The following STRN4 variants were observed in gnomAD, a reference collection of about 807,000 sequenced individuals.
STRN4 encodes striatin-4.
STRN4 carries 27 observed loss-of-function variants against 77.9 expected under a neutral mutation model. The ratio of observed to expected loss-of-function variants is 0.35; its 90% CI spans 0.26 to 0.48. STRN4 has a LOEUF of 0.48. Among genes scored for constraint, STRN4 ranks in the 20% least tolerant of loss-of-function variants. The pLI is 0.99. For missense variants in STRN4, 798 were observed against 1,049.7 expected, an observed-to-expected ratio of 0.76 and a Z score of 3.31; for synonymous variants, 466 against 443.1, an observed-to-expected ratio of 1.05 and a Z score of -0.65.
intron 4 of STRN4, among the ~76,000 whole-genome samples, chr19:46,734,919 C>G (rs1288396862): frequency 1.3e-5 from 2 of 152,172 alleles, no homozygotes; most frequent in East Asian, 3.9e-4. Flanking sequence ...CCGCCTCGGC[C>G]TCCCAAAGTG....
In STRN4 at chr19:46,725,827, C is replaced by T; in HGVS notation, c.1249-179G>A. 3.9e-6 allele frequency: 3 copies of T among 775,806 alleles called. No homozygotes were observed. In the East Asian group the frequency reaches 8.1e-5, roughly 21 times the overall value. The allele number at this position is 775,806 out of a possible 1,614,324, so 48.1% of individuals were successfully genotyped here. The stretch of plus-strand genomic sequence containing the variant: ...TCCTCTGCTGGGCAGAGTCTCCATG[C>T]TCGCCCAACAAGTCCCCACACTGCG... On this transcript the variant is annotated intron_variant, in intron 9 of 17. Transcript: ENST00000263280.
In STRN4 at chr19:46,734,218, T is replaced by G. The variant is rs553225812; in HGVS notation, c.540-982A>C. Among the ~76,000 whole-genome samples, 57 of 152,310 alleles carry G rather than the reference T, an allele frequency of 3.7e-4. No individual in the cohort carries two copies. In the South Asian group the frequency reaches 0.011, roughly 30 times the overall value. Reference sequence around the variant, plus strand: ...TGCAACCTTGTGTAAACAGATCACCTCACCGCATGCCAGTTTTCTTATGAG... The same window carrying G: ...TGCAACCTTGTGTAAACAGATCACCGCACCGCATGCCAGTTTTCTTATGAG... On this transcript the variant is annotated intron_variant, in intron 4 of 17. Transcript: ENST00000263280.
intron 5 of STRN4, 153 bp from the exon 6 acceptor site, chr19:46,731,026 C>A: frequency 9.9e-7 from 1 of 1,014,022 alleles, no homozygotes; most frequent in Non-Finnish European, 1.4e-6. Context: ...CACAGAGCCC[C>A]AACCCCAGCC....
At chr19:46,725,441 C>T (rs2054088125) in intron 10 of STRN4, 32 bp downstream of exon 10, 1 of 1,613,844 alleles carries the variant, frequency 6.2e-7, no homozygotes, top group Non-Finnish European at 8.5e-7. Flanking sequence ...CCCAGATGCC[C>T]CTGCCCCCGG....
Position 46,723,104 on chromosome 19 carries a change from C to T in STRN4, c.1765+10G>A. On this transcript the variant is annotated intron_variant, in intron 13 of 17. Coordinates refer to ENST00000263280, the MANE Select transcript of STRN4 (RefSeq NM_013403.3). This position sits in a 1 kb window ranked among gnomAD's most constrained non-coding sequence, Gnocchi z 5.5. ...CAGCTCCAGGGTGAGGCACCGGGGCCCCCACTCACCGCTGGCTGTGGGGAA... is the reference window on the plus strand; with the variant it reads ...CAGCTCCAGGGTGAGGCACCGGGGCTCCCACTCACCGCTGGCTGTGGGGAA... The T allele has an allele frequency of 6.4e-7, 1 of 1,560,576 alleles. No homozygotes were observed. Among genetic ancestry groups the T allele is most frequent in the South Asian group, 1.2e-5 (1 of 85,616 alleles).
intron 16 of STRN4, chr19:46,721,615 A>C (rs1028722749): frequency 4.0e-6 from 1 of 246,946 alleles, no homozygotes; most frequent in Non-Finnish European, 8.2e-6. Context: ...CAATGCCCTT[A>C]TCCAGAGACA....
Position 46,738,732 on chromosome 19 carries a change from A to G in STRN4, c.386+53T>C, listed in dbSNP as rs2054417891. 1 of 1,581,308 alleles carries G rather than the reference A, an allele frequency of 6.3e-7. No individual in the cohort carries two copies. Among genetic ancestry groups the G allele is most frequent in the African/African-American group, 1.3e-5 (1 of 74,312 alleles). ...GAGGCGTGGCTGGTGGCCTCCTGACACTGTGCTTGAGACGGACCCAGAAGG... is the reference window on the plus strand; with the variant it reads ...GAGGCGTGGCTGGTGGCCTCCTGACGCTGTGCTTGAGACGGACCCAGAAGG... On this transcript the variant is annotated intron_variant, in intron 2 of 17. Coordinates refer to ENST00000263280, the MANE Select transcript of STRN4 (RefSeq NM_013403.3). The surrounding 1 kb of genome is among the most constrained non-coding windows in gnomAD (Gnocchi z 4.5).
At position 46,738,089 on chromosome 19, in the gene STRN4, C is replaced by G. The variant is rs2054404936; in HGVS notation, c.460+75G>C. On this transcript the variant is annotated intron_variant, in intron 3 of 17. Coordinates refer to ENST00000263280, the MANE Select transcript of STRN4 (RefSeq NM_013403.3). The surrounding 1 kb of genome is among the most constrained non-coding windows in gnomAD (Gnocchi z 4.5). ...AGGAGCAAAGTGAGAAAGAGGCACCCCATCTTCCTGCTTCTCCAGAACACT... is the reference window on the plus strand; with the variant it reads ...AGGAGCAAAGTGAGAAAGAGGCACCGCATCTTCCTGCTTCTCCAGAACACT... The G allele has an allele frequency of 6.9e-7, 1 of 1,441,248 alleles. No homozygotes were observed. Among genetic ancestry groups the G allele is most frequent in the East Asian group, 2.3e-5 (1 of 44,016 alleles). The allele number at this position is 1,441,248 out of a possible 1,614,324, so 89.3% of individuals were successfully genotyped here. A position where few individuals can be genotyped will look rare whatever the true frequency, so the allele number is the denominator to read the frequency against.
At position 46,720,560 on chromosome 19, in the gene STRN4, C is replaced by A. The variant is rs2053953172; in HGVS notation, c.*42G>T. On this transcript the variant is annotated 3_prime_UTR_variant, in exon 17 of 18. Transcript: ENST00000263280. The stretch of plus-strand genomic sequence containing the variant: ...CCTCAGCCCCACCTGCCCGGCCCTA[C>A]ACCCCAGCCAGCGTGGCGGCCAGGG... The A allele has an allele frequency of 1.3e-6, 2 of 1,509,492 alleles. No individual in the cohort carries two copies. Among genetic ancestry groups the A allele is most frequent in the East Asian group, 2.4e-5 (1 of 42,398 alleles). The allele number at this position is 1,509,492 out of a possible 1,614,324, so 93.5% of individuals were successfully genotyped here. A position where few individuals can be genotyped will look rare whatever the true frequency, so the allele number is the denominator to read the frequency against.
chr19:46,732,956 G>A (rs2054285358), intron 5 of STRN4, 83 bp downstream of exon 5: 7 of 1,497,178 alleles, frequency 4.7e-6, no homozygotes, highest in African/African-American at 2.8e-5. Context: ...GGCACCCAGC[G>A]CCATCAGCTG....
intron 6 of STRN4, 120 bp downstream of exon 6, chr19:46,730,612 T>G: frequency 6.9e-7 from 1 of 1,447,492 alleles, no homozygotes; most frequent in South Asian, 1.3e-5. Context: ...AGGGCCTGTG[T>G]GTCTCCATAT....
chr19:46,733,610 TAA>T lies in STRN4; in HGVS notation c.540-376_540-375del, dbSNP rs746336230. 6.6e-6 allele frequency among the ~76,000 whole-genome samples: 1 copy of T among 152,100 alleles called. No homozygotes were observed. On this transcript the variant is annotated intron_variant, in intron 4 of 17. Coordinates refer to ENST00000263280, the MANE Select transcript of STRN4 (RefSeq NM_013403.3). The surrounding 1 kb of genome is among the most constrained non-coding windows in gnomAD (Gnocchi z 4.3). The stretch of plus-strand genomic sequence containing the variant: ...ACGGTAAACAGCAGAACGAAAACGC[TAA>T]GTTCTATGATCCACATGATGCCAAT...
Position 46,733,483 on chromosome 19 carries a change from G to A in STRN4, c.540-247C>T. 2.0e-6 allele frequency: 1 copy of A among 509,836 alleles called. No homozygotes were observed. The highest frequency in any genetic ancestry group is 3.5e-6 in the Non-Finnish European group (1 of 282,656). 31.6% of individuals were successfully genotyped at this position (509,836 alleles called of 1,614,324 possible). A position where few individuals can be genotyped will look rare whatever the true frequency, so the allele number is the denominator to read the frequency against. On this transcript the variant is annotated intron_variant, in intron 4 of 17. Coordinates refer to ENST00000263280, the MANE Select transcript of STRN4 (RefSeq NM_013403.3). This position sits in a 1 kb window ranked among gnomAD's most constrained non-coding sequence, Gnocchi z 4.3. ...TGCTGTATGGGGAAGCCGAAGCACA[G>A]GGACCAGCCTCAGCACCCACCGACA...
chr19:46,746,442 GGCC>G lies in STRN4; in HGVS notation c.-15_-13del. 1 of 1,007,570 alleles carries G rather than the reference GGCC, an allele frequency of 9.9e-7. No individual in the cohort carries two copies. The highest frequency in any genetic ancestry group is 1.2e-6 in the Non-Finnish European group (1 of 846,506). 62.4% of individuals were successfully genotyped at this position (1,007,570 alleles called of 1,614,324 possible). ...CGCTCCTCCATCATGGAGGCCCCGG[GGCC>G]GGCCTGCGCGCCCGCTGTGCCTCGC... On this transcript the variant is annotated 5_prime_UTR_variant, in exon 1 of 18. Coordinates refer to ENST00000263280, the MANE Select transcript of STRN4 (RefSeq NM_013403.3).
rs2054105007 is a variant in STRN4 at position 46,726,043 on chromosome 19, TC to T, written c.1249-396del. 5 of 187,468 alleles carry T rather than the reference TC, an allele frequency of 2.7e-5. No homozygotes were observed. In the South Asian group the frequency reaches 4.3e-4, roughly 16 times the overall value. 11.6% of individuals were successfully genotyped at this position (187,468 alleles called of 1,614,324 possible). On this transcript the variant is annotated intron_variant, in intron 9 of 17. Transcript: ENST00000263280. ...TCCTCCCTGGGGGCCACTGAGGCTT[TC>T]CTGAGGAAGCACGAGCCAGCAGGAC... is the stretch of plus-strand genomic sequence containing the variant.
intron 1 of STRN4, among the ~76,000 whole-genome samples, chr19:46,743,382 G>C (rs1381275147): frequency 3.3e-5 from 5 of 152,144 alleles, no homozygotes; most frequent in East Asian, 1.9e-4. Context: ...CTCCAAGAAG[G>C]GTCAGTAAGT....
intron 1 of STRN4, chr19:46,740,224 G>T (rs1042646875): frequency 2.6e-5 from 4 of 152,142 alleles, no homozygotes; most frequent in African/African-American, 9.7e-5. Context: ...GGGAAGTGGA[G>T]ATTGCAGTGG....
intron 1 of STRN4, among the ~76,000 whole-genome samples, chr19:46,744,730 C>T (rs1230138344): frequency 6.6e-6 from 1 of 151,932 alleles, no homozygotes; most frequent in Non-Finnish European, 1.5e-5. Context: ...GTACCAGCTT[C>T]CTACTAGATA....
At chr19:46,735,727 G>A (rs943355927) in intron 4 of STRN4, among the ~76,000 whole-genome samples, 1 of 152,150 alleles carries the variant, frequency 6.6e-6, no homozygotes, top group Non-Finnish European at 1.5e-5. Flanking sequence ...CACTTTGGGA[G>A]GCCAAGGCAG....
Sources: gnomAD v4.1 joint callset for allele counts (sites outside exome capture counted in the v4.1 genomes callset) on GRCh38, gnomAD v4.1.1 for gene constraint, Gnocchi (gnomAD v3.1) non-coding constraint, MANE v1.5 for transcripts, NCBI Gene and HGNC (gene_info 2026-07-23, HGNC 2026-07-21) for gene names.